CSMD1: variants seen among roughly 807,000 people sequenced by gnomAD.
CSMD1 encodes CUB and sushi domain-containing protein 1.
CSMD1 carries 213 observed loss-of-function variants against 417.5 expected under a neutral mutation model. That is an observed-to-expected ratio of 0.51 (90% CI 0.46 to 0.57). The LOEUF is 0.57. Ranked by LOEUF, CSMD1 falls within the 20% of genes least tolerant of loss-of-function variation. The pLI is 0.00. For missense variants in CSMD1, 6,923 were observed against 4,529.7 expected, an observed-to-expected ratio of 1.53 and a Z score of -15.17; for synonymous variants, 2,862 against 1,736.8, an observed-to-expected ratio of 1.65 and a Z score of -16.11.
intron 3 of CSMD1, among the ~76,000 whole-genome samples, chr8:4,299,416 T>C (rs903136036): frequency 6.6e-5 from 10 of 152,098 alleles, no homozygotes; most frequent in African/African-American, 2.4e-4. Flanking sequence ...GAGAGGTGAT[T>C]TTCAGGATTC....
chr8:4,658,351 A>G (rs1354571406), intron 1 of CSMD1, among the ~76,000 whole-genome samples: 2 of 152,248 alleles, frequency 1.3e-5, no homozygotes, highest in East Asian at 3.9e-4. Flanking sequence ...AAAGATGGCA[A>G]GACAGAAGTA....
chr8:3,566,055 G>A (rs1799692186), intron 10 of CSMD1, among the ~76,000 whole-genome samples: 1 of 152,116 alleles, frequency 6.6e-6, no homozygotes, highest in Non-Finnish European at 1.5e-5. Context: ...ACGGGACCCT[G>A]TTTATATCTT....
chr8:3,062,741 G>C (rs17317705), intron 49 of CSMD1, among the ~76,000 whole-genome samples: 5,182 of 152,184 alleles, frequency 0.034, 125 homozygotes, highest in Admixed American at 0.058. Flanking sequence ...CAGCAGAATA[G>C]GGTTGGCAAA....
At chr8:3,470,500 C>G (rs1359636278) in intron 11 of CSMD1, among the ~76,000 whole-genome samples, 1 of 152,122 alleles carries the variant, frequency 6.6e-6, no homozygotes, top group Non-Finnish European at 1.5e-5. Context: ...ACCTACCAGC[C>G]TCGTTAAAAC....
At chr8:4,013,674 G>A (rs896241780) in intron 4 of CSMD1, among the ~76,000 whole-genome samples, 1 of 152,164 alleles carries the variant, frequency 6.6e-6, no homozygotes, top group African/African-American at 2.4e-5. Context: ...GCAAAGATTG[G>A]AATTCTTTCT....
At chr8:3,712,643 A>G (rs966381767) in intron 6 of CSMD1, among the ~76,000 whole-genome samples, 2 of 152,222 alleles carry the variant, frequency 1.3e-5, no homozygotes, top group African/African-American at 4.8e-5. Flanking sequence ...GCTAAGTCAC[A>G]ATCTTCGGAG....
At chr8:4,002,672 G>C (rs1448489757) in intron 4 of CSMD1, among the ~76,000 whole-genome samples, 1 of 152,070 alleles carries the variant, frequency 6.6e-6, no homozygotes, top group Non-Finnish European at 1.5e-5. Flanking sequence ...GACAGAAATG[G>C]GAACCATTAT....
intron 23 of CSMD1, among the ~76,000 whole-genome samples, chr8:3,310,295 G>C (rs955573185): frequency 6.6e-6 from 1 of 152,178 alleles, no homozygotes; most frequent in African/African-American, 2.4e-5. Context: ...TTCGCAGAGA[G>C]GAAAAAAGAA....
chr8:3,675,117 C>G (rs1199932693), intron 7 of CSMD1, among the ~76,000 whole-genome samples: 2 of 152,152 alleles, frequency 1.3e-5, no homozygotes, highest in Non-Finnish European at 2.9e-5. Context: ...CAGTGGCCTC[C>G]CCTCACCACT....
At position 4,843,800 on chromosome 8, in the gene CSMD1, A is replaced by G. The variant is rs186165520; in HGVS notation, c.85+150532T>C. On this transcript the variant is annotated intron_variant, in intron 1 of 69. Transcript: ENST00000635120. ...GTATCCGTTGAATGAACAAACTGAT[A>G]CAACGTAAAATAGAATCAGTGGAAG... Among the ~76,000 whole-genome samples the G allele has an allele frequency of 3.9e-5, 6 of 152,348 alleles. No individual in the cohort carries two copies. The East Asian group carries it at 9.6e-4, about 24-fold the overall frequency.
chr8:4,605,143 G>A (rs749131040), intron 2 of CSMD1, among the ~76,000 whole-genome samples: 1 of 152,142 alleles, frequency 6.6e-6, no homozygotes, highest in East Asian at 1.9e-4. Context: ...TTATGTCACC[G>A]TGTTCACAAT....
At chr8:3,897,654 A>G (rs1807454480) in intron 5 of CSMD1, among the ~76,000 whole-genome samples, 1 of 152,164 alleles carries the variant, frequency 6.6e-6, no homozygotes, top group African/African-American at 2.4e-5. Context: ...TATCACCATA[A>G]TCGTTAATAA....
At chr8:3,618,884 C>A (rs1432088313) in intron 7 of CSMD1, among the ~76,000 whole-genome samples, 1 of 152,148 alleles carries the variant, frequency 6.6e-6, no homozygotes, top group East Asian at 1.9e-4. Flanking sequence ...TATGAAGAAG[C>A]AGAGAGAAAG....
intron 7 of CSMD1, among the ~76,000 whole-genome samples, chr8:3,679,545 G>C (rs561686680): frequency 3.9e-5 from 6 of 152,248 alleles, no homozygotes; most frequent in African/African-American, 1.2e-4. Context: ...CAAGTCCTTA[G>C]AGACCTACAG....
intron 3 of CSMD1, among the ~76,000 whole-genome samples, chr8:4,225,517 T>A (rs1312605300): frequency 5.3e-5 from 8 of 152,050 alleles, no homozygotes; most frequent in East Asian, 1.9e-4. Flanking sequence ...TTTTTTTTTT[T>A]TTATTCCTTT....
chr8:4,949,105 A>C (rs1304501900), intron 1 of CSMD1, among the ~76,000 whole-genome samples: 2 of 152,066 alleles, frequency 1.3e-5, no homozygotes, highest in Non-Finnish European at 2.9e-5. Flanking sequence ...TAATCTGTAA[A>C]TGTGGTAAAT....
chr8:4,049,092 T>C (rs1339034550), intron 3 of CSMD1, among the ~76,000 whole-genome samples: 1 of 152,198 alleles, frequency 6.6e-6, no homozygotes, highest in Non-Finnish European at 1.5e-5. Context: ...TCCATTTTTT[T>C]CTATCCTGCT....
At chr8:3,799,667 G>A (rs2128075) in intron 5 of CSMD1, among the ~76,000 whole-genome samples, 3,671 of 151,878 alleles carry the variant, frequency 0.024, 164 homozygotes, top group African/African-American at 0.083. Context: ...TGTATTTGAG[G>A]CAAATTTTGC....
intron 5 of CSMD1, among the ~76,000 whole-genome samples, chr8:3,846,672 G>T (rs34363872): frequency 0.17 from 26,478 of 151,926 alleles, 2,346 homozygotes; most frequent in African/African-American, 0.2. Flanking sequence ...TATTTATTTA[G>T]TTTGAGATGG....
Sources: allele counts gnomAD v4.1 joint callset (sites outside exome capture counted in the v4.1 genomes callset), GRCh38; gene constraint gnomAD v4.1.1; transcripts MANE v1.5; gene names NCBI Gene and HGNC (gene_info 2026-07-23, HGNC 2026-07-21).